Variants in ACTN2 observed in about 807,000 individuals in gnomAD.
ACTN2 encodes alpha-actinin-2.
ACTN2 carries 39 observed loss-of-function variants against 113.8 expected under a neutral mutation model. The ratio of observed to expected loss-of-function variants is 0.34; its 90% CI spans 0.27 to 0.45. ACTN2 has a LOEUF of 0.45. Among genes scored for constraint, ACTN2 ranks in the 20% least tolerant of loss-of-function variants. The probability of loss-of-function intolerance (pLI) is 1.00; values close to 1 mark genes in which losing one functional copy is unlikely to be tolerated. For missense variants in ACTN2, 992 were observed against 1,177.9 expected (o/e 0.84, Z 2.31); for synonymous variants, 429 against 444.1 (o/e 0.97, Z 0.43).
chr1:236,701,505 G>A (rs561008055), intron 1 of ACTN2, among the ~76,000 whole-genome samples: 7 of 152,288 alleles, frequency 4.6e-5, no homozygotes, highest in African/African-American at 1.4e-4. Flanking sequence ...CCACCAGCCC[G>A]GCTGAGTCCT....
intron 1 of ACTN2, among the ~76,000 whole-genome samples, chr1:236,690,062 T>G (rs1000101176): frequency 1.3e-5 from 2 of 152,246 alleles, no homozygotes; most frequent in African/African-American, 4.8e-5. Flanking sequence ...GTGTTCTGAT[T>G]GTTTTTAATA....
At chr1:236,717,798 TGA>T in intron 1 of ACTN2, 58 bp from the exon 2 acceptor site, 1 of 1,198,724 alleles carries the variant, frequency 8.3e-7, no homozygotes, top group Non-Finnish European at 1.2e-6. Flanking sequence ...GTGTCGTCTG[TGA>T]GGAAGGGATC....
chr1:236,739,886 C>T (rs755738387), intron 10 of ACTN2, among the ~76,000 whole-genome samples: 12 of 152,132 alleles, frequency 7.9e-5, no homozygotes, highest in African/African-American at 1.2e-4. Context: ...ATCTCACCTT[C>T]GCAAAGTCTG....
At chr1:236,730,979 A>G (rs115965328) in intron 6 of ACTN2, among the ~76,000 whole-genome samples, 14 of 152,276 alleles carry the variant, frequency 9.2e-5, no homozygotes, top group Non-Finnish European at 1.9e-4. Flanking sequence ...TTTCTTGTCA[A>G]TGCATCTGTT....
chr1:236,715,155 C>CTTT (rs5781921), intron 1 of ACTN2, among the ~76,000 whole-genome samples: 1 of 143,206 alleles, frequency 7.0e-6, no homozygotes. Context: ...TTTCTTTTTC[C>CTTT]TTTTTTTTTT....
In ACTN2 at chr1:236,764,211, T is replaced by G. The variant is rs1659785152; in HGVS notation, c.*1592T>G. ...TTAATTTGCTTCATTATTAAGTAATTGGTAGTTTCCAGATTCCTGAAATAT... is the reference window on the plus strand; with the variant it reads ...TTAATTTGCTTCATTATTAAGTAATGGGTAGTTTCCAGATTCCTGAAATAT... On this transcript the variant is annotated 3_prime_UTR_variant, in exon 21 of 21. Transcript: ENST00000366578. 1 of 152,230 alleles carries G rather than the reference T, an allele frequency of 6.6e-6. No individual in the cohort carries two copies. Among genetic ancestry groups the G allele is most frequent in the Admixed American group, 6.5e-5 (1 of 15,284 alleles). 9.4% of individuals were successfully genotyped at this position (152,230 alleles called of 1,614,324 possible). A position where few individuals can be genotyped will look rare whatever the true frequency, so the allele number is the denominator to read the frequency against.
chr1:236,760,979 C>A (rs374906912), intron 19 of ACTN2, 36 bp from the exon 20 acceptor site: 1 of 1,613,584 alleles, frequency 6.2e-7, no homozygotes, highest in African/African-American at 1.3e-5. Flanking sequence ...AGTTGTGTAC[C>A]GTTCGTGTAC....
chr1:236,717,024 G>A (rs1421156768), intron 1 of ACTN2, among the ~76,000 whole-genome samples: 2 of 151,164 alleles, frequency 1.3e-5, no homozygotes, highest in African/African-American at 2.4e-5. Context: ...TAGTAGAGAC[G>A]GGGTTTTACC....
At chr1:236,698,054 G>A (rs774626484) in intron 1 of ACTN2, among the ~76,000 whole-genome samples, 5 of 150,962 alleles carry the variant, frequency 3.3e-5, no homozygotes, top group African/African-American at 4.9e-5. Flanking sequence ...GATTACAGGC[G>A]TGAGCCACCG....
At position 236,736,816 on chromosome 1, in the gene ACTN2, A is replaced by G. The variant is rs367748714; in HGVS notation, c.784-306A>G. Reference sequence around the variant, plus strand: ...CCAAGATCTTGGTTTCCTGGACCCAAATATTTCTGTGACTAACTTGCTGGA... The same window carrying G: ...CCAAGATCTTGGTTTCCTGGACCCAGATATTTCTGTGACTAACTTGCTGGA... On this transcript the variant is annotated intron_variant, in intron 8 of 20. Transcript: ENST00000366578. 17 of 635,278 alleles carry G rather than the reference A, an allele frequency of 2.7e-5. No homozygotes were observed. In the East Asian group the frequency reaches 3.3e-4, roughly 12 times the overall value. 39.4% of individuals were successfully genotyped at this position (635,278 alleles called of 1,614,324 possible).
At chr1:236,707,719 T>C (rs1166227666) in intron 1 of ACTN2, among the ~76,000 whole-genome samples, 4 of 137,098 alleles carry the variant, frequency 2.9e-5, no homozygotes, top group African/African-American at 8.2e-5. Flanking sequence ...CTTTTTTTTT[T>C]TTTTTTTTTT....
rs763105764 is a variant in ACTN2 at position 236,747,675 on chromosome 1, A to T, written c.1415A>T (p.Asp472Val). 1 of 1,613,890 alleles carries T rather than the reference A, an allele frequency of 6.2e-7. No individual in the cohort carries two copies. Reference protein sequence around the residue: ...AAIAQELNELDYHDAVNVNDR... With the variant: ...AAIAQELNELVYHDAVNVNDR... ...ATTTTCACTTTTAATAGTGAACTGG[A>T]CTATCACGACGCTGTGAATGTCAAT... Residue 472 changes from aspartate (D) to valine (V), a missense_variant, in exon 13 of 21, where the codon GAC becomes GTC. Asp to Val is a radical substitution (Grantham distance 152). Coordinates refer to ENST00000366578, the MANE Select transcript of ACTN2 (RefSeq NM_001103.4).
rs148646265 is a variant in ACTN2, at chr1:236,739,343, C to G, written c.918C>G (p.Asn306Lys). 1 of 1,613,842 alleles carries G rather than the reference C, an allele frequency of 6.2e-7. No individual in the cohort carries two copies. The highest frequency in any genetic ancestry group is 2.2e-5 in the East Asian group (1 of 44,872). Reference protein sequence around the residue: ...WIRRTIPWLENRTPEKTMQAM... With the variant: ...WIRRTIPWLEKRTPEKTMQAM... ...GTCGCACGATCCCCTGGCTGGAGAA[C>G]CGGACTCCCGAGAAGACCATGCAAG... Residue 306 changes from asparagine to lysine, a missense_variant, in exon 10 of 21, where the codon AAC (asparagine) becomes AAG (lysine). By Grantham distance (94) the Asn-to-Lys change is moderately conservative (BLOSUM62 0). Around this residue, in one of 3 missense-constraint regions of ACTN2, gnomAD observed 736 missense variants for 815.4 expected, o/e 0.90. Coordinates refer to ENST00000366578, the MANE Select transcript of ACTN2 (RefSeq NM_001103.4).
At chr1:236,694,292 G>A (rs1331021806) in intron 1 of ACTN2, among the ~76,000 whole-genome samples, 2 of 150,078 alleles carry the variant, frequency 1.3e-5, no homozygotes, top group Non-Finnish European at 3.0e-5. Flanking sequence ...CAATCTCGGC[G>A]GCTAACCACA....
At chr1:236,710,655 G>A (rs1373103030) in intron 1 of ACTN2, among the ~76,000 whole-genome samples, 1 of 152,142 alleles carries the variant, frequency 6.6e-6, no homozygotes, top group Non-Finnish European at 1.5e-5. Flanking sequence ...GTTAGGAACC[G>A]GGCTGCACAG....
intron 1 of ACTN2, among the ~76,000 whole-genome samples, chr1:236,691,058 C>A (rs1666065448): frequency 1.3e-5 from 2 of 151,414 alleles, no homozygotes; most frequent in South Asian, 2.1e-4. Flanking sequence ...CTGCCTCAGC[C>A]TTACAGTAGC....
intron 19 of ACTN2, 127 bp downstream of exon 19, chr1:236,759,916 A>C (rs1572151047): frequency 2.4e-6 from 2 of 845,950 alleles, no homozygotes; most frequent in East Asian, 5.4e-5. Flanking sequence ...TATATAGGAT[A>C]ATATTTTTTG....
rs571348257 is a variant in ACTN2 at position 236,686,984 on chromosome 1, C to T, written c.126+185C>T. Among the ~76,000 whole-genome samples, 22 of 152,238 alleles carry T rather than the reference C, an allele frequency of 1.4e-4. No homozygotes were observed. The South Asian group carries it at 4.6e-3, about 32-fold the overall frequency. ...AGGACACGTCCGGGGACAGGCAGGA[C>T]ACTGGGCGTCGTGTGTGTGCGCGCG... On this transcript the variant is annotated intron_variant, in intron 1 of 20. Transcript: ENST00000366578.
intron 1 of ACTN2, among the ~76,000 whole-genome samples, chr1:236,708,547 T>G (rs796667237): frequency 2.0e-5 from 3 of 152,286 alleles, no homozygotes; most frequent in African/African-American, 7.2e-5. Context: ...CTTTCTTGAT[T>G]TTAATGTAGA....
Sources: allele counts gnomAD v4.1 joint callset (sites outside exome capture counted in the v4.1 genomes callset), GRCh38; gene constraint gnomAD v4.1.1; regional missense constraint gnomAD v4.1.1; transcripts MANE v1.5; gene names NCBI Gene and HGNC (gene_info 2026-07-23, HGNC 2026-07-21).